NFAT5: variants seen among roughly 807,000 people sequenced by gnomAD.
NFAT5 encodes nuclear factor of activated T-cells 5.
A neutral mutation model predicts 166.5 loss-of-function variants in NFAT5; 31 were observed. The observed-to-expected ratio is 0.19, with a 90% CI of 0.14 to 0.25. NFAT5 has a LOEUF of 0.25. NFAT5 is among the 10% of genes least tolerant of loss of function. The probability of loss-of-function intolerance (pLI) is 1.00; values close to 1 mark genes in which losing one functional copy is unlikely to be tolerated. For missense variants in NFAT5, 1,449 were observed against 1,821.8 expected, an observed-to-expected ratio of 0.80 and a Z score of 3.72; for synonymous variants, 612 against 639.7, an observed-to-expected ratio of 0.96 and a Z score of 0.65.
At chr16:69,595,250 C>G (rs72801325) in intron 2 of NFAT5, among the ~76,000 whole-genome samples, 17,714 of 152,164 alleles carry the variant, frequency 0.12, 1,515 homozygotes, top group African/African-American at 0.24. Flanking sequence ...AAATAGCTTA[C>G]TGTTCTGTAT....
chr16:69,645,733 A>G (rs2035411609), intron 3 of NFAT5, among the ~76,000 whole-genome samples: 1 of 152,210 alleles, frequency 6.6e-6, no homozygotes. Flanking sequence ...TTTAGATTGA[A>G]ATATATCTTT....
rs749241515 is a variant in NFAT5 at position 69,692,224 on chromosome 16, G to A, written c.2399G>A (p.Ser800Asn). The A allele has an allele frequency of 6.2e-7, 1 of 1,614,176 alleles. No homozygotes were observed. Among genetic ancestry groups the A allele is most frequent in the Non-Finnish European group, 8.5e-7 (1 of 1,180,040 alleles). Residue 800 changes from serine to asparagine, a missense_variant, in exon 13 of 15, where the codon AGT (serine) becomes AAT (asparagine). Physicochemically the swap from Ser to Asn is conservative, Grantham distance 46. Coordinates refer to ENST00000349945, the MANE Select transcript of NFAT5 (RefSeq NM_138713.4). The stretch of plus-strand genomic sequence containing the variant: ...ACTATTCAGCAGCTGCAAGCAGGGA[G>A]TTTCACAGGCAGTACTGCTAGTGGC... ...QNTIQQLQAG[S>N]FTGSTASGSS...
chr16:69,585,485 T>G (rs168637), intron 2 of NFAT5, among the ~76,000 whole-genome samples: 136,274 of 152,136 alleles, frequency 0.9, 61,257 homozygotes, highest in African/African-American at 0.97. Flanking sequence ...ATACCCCCAA[T>G]AATTGAAAGC....
At position 69,579,194 on chromosome 16, in the gene NFAT5, A is replaced by G. The variant is rs2031505176; in HGVS notation, c.127+10646A>G. 2.6e-5 allele frequency among the ~76,000 whole-genome samples: 4 copies of G among 152,168 alleles called. No homozygotes were observed. In the South Asian group the frequency reaches 8.3e-4, roughly 31 times the overall value. On this transcript the variant is annotated intron_variant, in intron 2 of 14. Coordinates refer to ENST00000349945, the MANE Select transcript of NFAT5 (RefSeq NM_138713.4). The stretch of plus-strand genomic sequence containing the variant: ...TGGCCATAAGTTTTAATAAAATTAT[A>G]TTGTGAACTCCAAGACATTTTTCTG...
At chr16:69,660,743 TTC>T (rs1422668671) in intron 7 of NFAT5, among the ~76,000 whole-genome samples, 9 of 152,268 alleles carry the variant, frequency 5.9e-5, no homozygotes, top group African/African-American at 1.9e-4. Flanking sequence ...TAATTGTAGT[TTC>T]TCTCTAATGA....
rs753689210 is a variant in NFAT5, at chr16:69,655,622, A to G, written c.1019A>G (p.Asn340Ser). The change falls in exon 6 of 15, where the codon AAT becomes AGT. Residue 340 changes from asparagine to serine, a missense_variant. Asn to Ser is a conservative substitution (Grantham distance 46, BLOSUM62 1). This residue lies in a region of NFAT5 where 13 missense variants were observed against 16.4 expected (regional missense o/e 0.79). Coordinates refer to ENST00000349945, the MANE Select transcript of NFAT5 (RefSeq NM_138713.4). ...TTCTGGTTTCAGCTGGAAGGCCATA[A>G]TGAACCTGTAGTGTTGCAAGTGTTT... ...GFPTVKLEGH[N>S]EPVVLQVFVG... The G allele has an allele frequency of 3.8e-6, 6 of 1,594,914 alleles. No individual in the cohort carries two copies. Among genetic ancestry groups the G allele is most frequent in the East Asian group, 2.3e-5 (1 of 44,398 alleles).
chr16:69,680,219 G>A (rs2037001976), intron 10 of NFAT5, among the ~76,000 whole-genome samples: 2 of 152,202 alleles, frequency 1.3e-5, no homozygotes, highest in African/African-American at 4.8e-5. Context: ...GCACAAACAT[G>A]AGAAGAAAGA....
chr16:69,671,030 T>C (rs1056473872), intron 9 of NFAT5, among the ~76,000 whole-genome samples: 2 of 152,206 alleles, frequency 1.3e-5, no homozygotes, highest in Non-Finnish European at 2.9e-5. Context: ...ATGCAAAAAT[T>C]AGACAATCTA....
At chr16:69,680,829 G>A (rs907110634) in intron 10 of NFAT5, among the ~76,000 whole-genome samples, 8 of 151,674 alleles carry the variant, frequency 5.3e-5, no homozygotes, top group Non-Finnish European at 1.2e-4. Flanking sequence ...GCGTGATCTC[G>A]GCTCACTGCA....
chr16:69,656,076 T>A (rs1383817787), intron 6 of NFAT5, among the ~76,000 whole-genome samples: 1 of 151,586 alleles, frequency 6.6e-6, no homozygotes, highest in Non-Finnish European at 1.5e-5. Flanking sequence ...AGGTCAGGAG[T>A]TAGAGACCAG....
chr16:69,699,325 AT>A lies in NFAT5; in HGVS notation c.*2975del, dbSNP rs1291884859. ...TGGGACCAATTTTCTGTTTTATAAT[AT>A]CTAAGTTTAGAACAGAATATATACC... On this transcript the variant is annotated 3_prime_UTR_variant, in exon 15 of 15. Transcript: ENST00000349945. 6.5e-6 allele frequency: 1 copy of A among 152,888 alleles called. No homozygotes were observed. Among genetic ancestry groups the A allele is most frequent in the Non-Finnish European group, 1.5e-5 (1 of 68,050 alleles). The allele number at this position is 152,888 out of a possible 1,614,324, so 9.5% of individuals were successfully genotyped here.
At chr16:69,644,644 G>A (rs1013947691) in intron 3 of NFAT5, among the ~76,000 whole-genome samples, 2 of 152,068 alleles carry the variant, frequency 1.3e-5, no homozygotes, top group African/African-American at 2.4e-5. Context: ...TAATCATTAC[G>A]GTTTTGATAT....
chr16:69,660,034 G>A (rs936587106), intron 7 of NFAT5, 135 bp downstream of exon 7: 40 of 743,228 alleles, frequency 5.4e-5, no homozygotes, highest in Non-Finnish European at 7.5e-5. Context: ...TATTTTAAAA[G>A]CAGTAGTCAG....
rs556687502 is a variant in NFAT5 at position 69,566,264 on chromosome 16, C to A, written c.-38C>A. ...GTGCCGCCGCCACCGCCGCTCCCCC[C>A]CTCCCGCTGCCCTCGGGCCGGGCTG... On this transcript the variant is annotated 5_prime_UTR_variant, in exon 1 of 15. Transcript: ENST00000349945. The surrounding 1 kb of genome is among the most constrained non-coding windows in gnomAD (Gnocchi z 5.7). 18 of 1,579,534 alleles carry A rather than the reference C, an allele frequency of 1.1e-5. No individual in the cohort carries two copies. Among genetic ancestry groups the A allele is most frequent in the African/African-American group, 8.2e-5 (6 of 73,594 alleles).
intron 2 of NFAT5, among the ~76,000 whole-genome samples, chr16:69,592,952 C>A (rs1173082004): frequency 2.0e-5 from 3 of 152,008 alleles, no homozygotes; most frequent in Non-Finnish European, 2.9e-5. Context: ...GAATTTAATC[C>A]TTTTTAAAAC....
intron 4 of NFAT5, among the ~76,000 whole-genome samples, chr16:69,650,730 A>T (rs2035628964): frequency 6.6e-6 from 1 of 152,194 alleles, no homozygotes; most frequent in Admixed American, 6.5e-5. Context: ...ATATTTGAAA[A>T]ATACAAGAAA....
chr16:69,702,451 T>C lies in NFAT5; in HGVS notation c.*6100T>C, dbSNP rs1414974934. The C allele has an allele frequency of 6.6e-6, 1 of 152,252 alleles. No individual in the cohort carries two copies. Among genetic ancestry groups the C allele is most frequent in the Non-Finnish European group, 1.5e-5 (1 of 68,042 alleles). 9.4% of individuals were successfully genotyped at this position (152,252 alleles called of 1,614,324 possible). A position where few individuals can be genotyped will look rare whatever the true frequency, so the allele number is the denominator to read the frequency against. On this transcript the variant is annotated 3_prime_UTR_variant, in exon 15 of 15. Coordinates refer to ENST00000349945, the MANE Select transcript of NFAT5 (RefSeq NM_138713.4). Reference sequence around the variant, plus strand: ...TGTTTGGGAATTCATTAAAACCAGTTGTCTATATATTTTGTGCCATGTATA... The same window carrying C: ...TGTTTGGGAATTCATTAAAACCAGTCGTCTATATATTTTGTGCCATGTATA...
rs1210088237 is a variant in NFAT5, at chr16:69,699,143, T to G, written c.*2792T>G. The G allele has an allele frequency of 2.0e-5, 3 of 152,860 alleles. No homozygotes were observed. The highest frequency in any genetic ancestry group is 4.4e-5 in the Non-Finnish European group (3 of 68,030). 9.5% of individuals were successfully genotyped at this position (152,860 alleles called of 1,614,324 possible). A position where few individuals can be genotyped will look rare whatever the true frequency, so the allele number is the denominator to read the frequency against. Reference sequence around the variant, plus strand: ...TTTTCTGAACTTTTTTCTAAGAGATTACATAGGAGACTAAAGAAATCTATC... The same window carrying G: ...TTTTCTGAACTTTTTTCTAAGAGATGACATAGGAGACTAAAGAAATCTATC... On this transcript the variant is annotated 3_prime_UTR_variant, in exon 15 of 15. Transcript: ENST00000349945.
intron 2 of NFAT5, among the ~76,000 whole-genome samples, chr16:69,578,517 A>G (rs1273556024): frequency 6.6e-6 from 1 of 152,196 alleles, no homozygotes; most frequent in Admixed American, 6.5e-5. Flanking sequence ...ACATAACTCA[A>G]ATTATTTGTT....
Sources: gnomAD v4.1 joint callset for allele counts (sites outside exome capture counted in the v4.1 genomes callset) on GRCh38, gnomAD v4.1.1 for gene constraint, gnomAD v4.1.1 regional missense constraint, Gnocchi (gnomAD v3.1) non-coding constraint, MANE v1.5 for transcripts, NCBI Gene and HGNC (gene_info 2026-07-23, HGNC 2026-07-21) for gene names.